The following BCAS1 variants were observed in gnomAD, a reference collection of about 807,000 sequenced individuals.
BCAS1 encodes the protein breast carcinoma-amplified sequence 1.
A neutral mutation model predicts 65.4 loss-of-function variants in BCAS1; 46 were observed. That is an observed-to-expected ratio of 0.70 (90% CI 0.55 to 0.90). The LOEUF is 0.90. BCAS1 is among the 40% of genes least tolerant of loss of function. The probability of loss-of-function intolerance (pLI) is 0.00; values close to 1 mark genes in which losing one functional copy is unlikely to be tolerated. For missense variants in BCAS1, 793 were observed against 771.2 expected (o/e 1.03, Z -0.33); for synonymous variants, 298 against 293.5 (o/e 1.02, Z -0.16).
At chr20:54,042,835 A>G (rs1373992543) in intron 3 of BCAS1, among the ~76,000 whole-genome samples, 2 of 152,210 alleles carry the variant, frequency 1.3e-5, no homozygotes, top group Non-Finnish European at 2.9e-5. Context: ...CACTTGACCT[A>G]TTTCCCAATT....
At position 53,996,019 on chromosome 20, in the gene BCAS1, T is replaced by C; in HGVS notation, c.755A>G (p.Gln252Arg). Reference protein sequence around the residue: ...DIVDGKEKEGQELGTADCSVP... With the variant: ...DIVDGKEKEGRELGTADCSVP... ...AGAGCAATCCGCAGTTCCAAGTTCT[T>C]GTCCTTCTTTTTCCTTGCCGTCAAC... The change falls in exon 5 of 13, where the codon CAA becomes CGA. Residue 252 changes from glutamine (Q) to arginine (R), a missense_variant. Transcript: ENST00000688948. 2 of 1,607,846 alleles carry C rather than the reference T, an allele frequency of 1.2e-6. No individual in the cohort carries two copies. Among genetic ancestry groups the C allele is most frequent in the Middle Eastern group, 1.7e-4 (1 of 6,034 alleles).
intron 1 of BCAS1, among the ~76,000 whole-genome samples, chr20:54,066,924 A>G (rs961778292): frequency 6.6e-6 from 1 of 152,300 alleles, no homozygotes; most frequent in East Asian, 1.9e-4. Flanking sequence ...CTATTTTCAT[A>G]CTTTCTACTG....
intron 3 of BCAS1, among the ~76,000 whole-genome samples, chr20:54,035,349 C>T (rs892209720): frequency 5.6e-5 from 8 of 142,752 alleles, no homozygotes; most frequent in African/African-American, 2.1e-4. Flanking sequence ...TGCACTGAGC[C>T]GAGACCACAT....
intron 9 of BCAS1, among the ~76,000 whole-genome samples, chr20:53,967,690 A>G (rs2090071278): frequency 6.6e-6 from 1 of 152,248 alleles, no homozygotes; most frequent in Non-Finnish European, 1.5e-5. Context: ...CTGATGGCTA[A>G]GTTGTTCGCG....
chr20:53,949,055 C>A (rs544306402), intron 12 of BCAS1, among the ~76,000 whole-genome samples: 2 of 152,148 alleles, frequency 1.3e-5, no homozygotes, highest in Admixed American at 6.5e-5. Flanking sequence ...TCTAGCACTT[C>A]AGGGGCTCAT....
At chr20:54,024,582 G>C (rs1226791481) in intron 4 of BCAS1, among the ~76,000 whole-genome samples, 1 of 152,226 alleles carries the variant, frequency 6.6e-6, no homozygotes, top group East Asian at 1.9e-4. Context: ...CTTTGGGACT[G>C]AGGGAAACCT....
intron 3 of BCAS1, among the ~76,000 whole-genome samples, chr20:54,041,909 C>CAAAAAAAAAAAAAAAAAAAAAAAAAAAA (rs796435949): frequency 1.3e-5 from 1 of 79,764 alleles, no homozygotes; most frequent in Non-Finnish European, 2.2e-5. Context: ...CTGTCTCCCC[C>CAAAAAAAAAAAAAAAAAAAAAAAAAAAA]AAAAAAAAAA....
intron 12 of BCAS1, among the ~76,000 whole-genome samples, chr20:53,952,958 GTATAA>G (rs1258486536): frequency 2.0e-5 from 3 of 152,096 alleles, no homozygotes; most frequent in Non-Finnish European, 2.9e-5. Context: ...CGTCAAATTG[GTATAA>G]TATAATGTAA....
intron 4 of BCAS1, among the ~76,000 whole-genome samples, chr20:54,007,105 C>G (rs2091214437): frequency 6.6e-6 from 1 of 152,192 alleles, no homozygotes; most frequent in Non-Finnish European, 1.5e-5. Flanking sequence ...GTCCACTGCT[C>G]TGAGCTACTC....
intron 3 of BCAS1, among the ~76,000 whole-genome samples, chr20:54,052,354 G>C (rs1296694168): frequency 6.6e-6 from 1 of 152,164 alleles, no homozygotes; most frequent in East Asian, 1.9e-4. Context: ...GAATCATGTA[G>C]TATGTTGCCT....
chr20:53,951,357 G>C (rs2276515), intron 12 of BCAS1, among the ~76,000 whole-genome samples: 1 of 152,016 alleles, frequency 6.6e-6, no homozygotes, highest in East Asian at 1.9e-4. Flanking sequence ...TGTAATCCCA[G>C]CTACTCGGGA....
chr20:54,053,180 G>C (rs139220419), intron 3 of BCAS1, among the ~76,000 whole-genome samples: 5 of 152,192 alleles, frequency 3.3e-5, no homozygotes, highest in Non-Finnish European at 7.4e-5. Flanking sequence ...GGTGAGTTAA[G>C]CTAGAAATAT....
chr20:53,989,241 C>T (rs1477050239), intron 7 of BCAS1, among the ~76,000 whole-genome samples: 2 of 152,114 alleles, frequency 1.3e-5, no homozygotes, highest in African/African-American at 2.4e-5. Flanking sequence ...TGATCAGTTT[C>T]ATAGGGAAGT....
rs564252374 is a variant in BCAS1, at chr20:53,976,355, CT to C, written c.1276-926del. On this transcript the variant is annotated intron_variant, in intron 8 of 12. Transcript: ENST00000688948. ...GCAAATAATTTCAGGATTCATAGAC[CT>C]TCTATGTCTCTCCTCTTGGATTACA... Among the ~76,000 whole-genome samples the C allele has an allele frequency of 1.8e-4, 27 of 152,272 alleles. No homozygotes were observed. The South Asian group carries it at 4.1e-3, about 23-fold the overall frequency.
intron 4 of BCAS1, among the ~76,000 whole-genome samples, chr20:54,025,626 GC>G (rs1343852668): frequency 6.6e-6 from 1 of 152,116 alleles, no homozygotes; most frequent in Non-Finnish European, 1.5e-5. Context: ...TTCCAATCCA[GC>G]AGGGAGCAAG....
chr20:53,994,043 T>A (rs561847824), intron 6 of BCAS1, among the ~76,000 whole-genome samples: 1 of 152,296 alleles, frequency 6.6e-6, no homozygotes, highest in South Asian at 2.1e-4. Context: ...TCAGACAGAT[T>A]AAGATTGTAC....
chr20:54,036,656 A>T (rs372825657), intron 3 of BCAS1, among the ~76,000 whole-genome samples: 3 of 151,494 alleles, frequency 2.0e-5, no homozygotes, highest in Non-Finnish European at 4.4e-5. Context: ...CTGAGGATTA[A>T]ATGAAATATT....
chr20:53,952,525 C>G (rs567848196), intron 12 of BCAS1, among the ~76,000 whole-genome samples: 11 of 152,338 alleles, frequency 7.2e-5, no homozygotes, highest in Admixed American at 5.9e-4. Flanking sequence ...AAGCAGGAGG[C>G]CTTTAGCCTG....
chr20:53,947,920 T>C (rs2089382311), intron 12 of BCAS1, among the ~76,000 whole-genome samples: 1 of 152,174 alleles, frequency 6.6e-6, no homozygotes. Context: ...TCTAAGGGCA[T>C]TGTACACTAC....
Sources: gnomAD v4.1 joint callset for allele counts (sites outside exome capture counted in the v4.1 genomes callset) on GRCh38, gnomAD v4.1.1 for gene constraint, MANE v1.5 for transcripts, NCBI Gene and HGNC (gene_info 2026-07-23, HGNC 2026-07-21) for gene names.